The following KCNS3 variants were observed in gnomAD, a reference collection of about 807,000 sequenced individuals.
KCNS3 encodes the protein potassium voltage-gated channel modifier subfamily S member 3.
In KCNS3, 13 loss-of-function variants were observed where a neutral mutation model predicts 31.0. The ratio of observed to expected loss-of-function variants is 0.42; its 90% CI spans 0.27 to 0.67. The LOEUF is 0.67. Ranked by LOEUF, KCNS3 falls within the 30% of genes least tolerant of loss-of-function variation. KCNS3 has a pLI of 0.25. For synonymous variants in KCNS3, 238 were observed against 241.5 expected, an observed-to-expected ratio of 0.99 and a Z score of 0.13; for missense variants, 545 against 622.4, an observed-to-expected ratio of 0.88 and a Z score of 1.32.
intron 1 of KCNS3, among the ~76,000 whole-genome samples, chr2:17,907,457 A>G (rs912899125): frequency 1.3e-5 from 2 of 152,228 alleles, no homozygotes; most frequent in Non-Finnish European, 2.9e-5. Context: ...TAGCCCATTT[A>G]CATTTAAGGT....
intron 2 of KCNS3, among the ~76,000 whole-genome samples, chr2:17,921,094 A>G (rs1261104798): frequency 6.6e-6 from 1 of 152,196 alleles, no homozygotes; most frequent in African/African-American, 2.4e-5. Context: ...GTGCCTATGT[A>G]CTGCACCAGT....
At chr2:17,925,906 C>T (rs1269954838) in intron 2 of KCNS3, among the ~76,000 whole-genome samples, 1 of 152,196 alleles carries the variant, frequency 6.6e-6, no homozygotes, top group Non-Finnish European at 1.5e-5. Context: ...ATTCAAAAGT[C>T]CAAGTCCAAA....
At chr2:17,898,827 C>T (rs1032121635) in intron 1 of KCNS3, among the ~76,000 whole-genome samples, 1 of 152,138 alleles carries the variant, frequency 6.6e-6, no homozygotes, top group African/African-American at 2.4e-5. Flanking sequence ...CCAAGGTCTA[C>T]CTAGAGTGGG....
intron 1 of KCNS3, among the ~76,000 whole-genome samples, chr2:17,916,268 A>G (rs1264946726): frequency 6.6e-6 from 1 of 152,218 alleles, no homozygotes; most frequent in Non-Finnish European, 1.5e-5. Context: ...AAGGTGCAGC[A>G]GCAGTTCTGT....
intron 1 of KCNS3, among the ~76,000 whole-genome samples, chr2:17,894,137 T>C (rs1661930005): frequency 1.3e-5 from 2 of 152,072 alleles, no homozygotes; most frequent in African/African-American, 4.8e-5. Flanking sequence ...CCTTCATTTA[T>C]GTTATGTGAG....
At chr2:17,906,555 G>A (rs1215558919) in intron 1 of KCNS3, among the ~76,000 whole-genome samples, 3 of 152,098 alleles carry the variant, frequency 2.0e-5, no homozygotes, top group Admixed American at 6.5e-5. Context: ...GTGATGTTAG[G>A]TTGTCAGTTT....
chr2:17,926,544 A>G (rs778475934), intron 2 of KCNS3, among the ~76,000 whole-genome samples: 3 of 152,344 alleles, frequency 2.0e-5, no homozygotes, highest in South Asian at 2.1e-4. Context: ...GAGGTTCCCA[A>G]ACCTCAGTTC....
intron 2 of KCNS3, among the ~76,000 whole-genome samples, chr2:17,920,561 T>G (rs1037976418): frequency 6.6e-6 from 1 of 152,224 alleles, no homozygotes; most frequent in African/African-American, 2.4e-5. Context: ...GTTTCTTGGA[T>G]TTTTGACATA....
chr2:17,922,670 C>G (rs1476339285), intron 2 of KCNS3, among the ~76,000 whole-genome samples: 1 of 152,136 alleles, frequency 6.6e-6, no homozygotes, highest in Non-Finnish European at 1.5e-5. Flanking sequence ...TCCCCTCCCC[C>G]CAGCCCCCAG....
chr2:17,922,932 A>G (rs1017614259), intron 2 of KCNS3, among the ~76,000 whole-genome samples: 4 of 152,126 alleles, frequency 2.6e-5, no homozygotes, highest in African/African-American at 7.2e-5. Flanking sequence ...TTGTTTGAAC[A>G]TATGTTTTCA....
intron 1 of KCNS3, among the ~76,000 whole-genome samples, chr2:17,899,443 A>G (rs780157912): frequency 6.6e-6 from 1 of 152,088 alleles, no homozygotes; most frequent in African/African-American, 2.4e-5. Flanking sequence ...TCTATCATCT[A>G]TTTATCAACA....
At chr2:17,890,205 G>A (rs1661811806) in intron 1 of KCNS3, among the ~76,000 whole-genome samples, 1 of 152,066 alleles carries the variant, frequency 6.6e-6, no homozygotes, top group South Asian at 2.1e-4. Context: ...TCTAGTTTAT[G>A]TGAGTAAAGG....
At chr2:17,884,262 A>AT (rs1553340981) in intron 1 of KCNS3, among the ~76,000 whole-genome samples, 247 of 51,656 alleles carry the variant, frequency 4.8e-3, no homozygotes, top group African/African-American at 0.014. Context: ...TAATTAAAAA[A>AT]AAAAAAATAT....
chr2:17,906,355 T>G (rs1662313657), intron 1 of KCNS3, among the ~76,000 whole-genome samples: 1 of 152,214 alleles, frequency 6.6e-6, no homozygotes, highest in African/African-American at 2.4e-5. Flanking sequence ...CTCTCTTTTC[T>G]TCTTTATTAG....
intron 1 of KCNS3, among the ~76,000 whole-genome samples, chr2:17,892,919 A>G (rs1322603519): frequency 6.6e-6 from 1 of 152,212 alleles, no homozygotes; most frequent in African/African-American, 2.4e-5. Flanking sequence ...GCCGCCTGCC[A>G]GGAGGCGGCA....
At chr2:17,905,903 G>A (rs1044797742) in intron 1 of KCNS3, among the ~76,000 whole-genome samples, 1 of 152,206 alleles carries the variant, frequency 6.6e-6, no homozygotes, top group Non-Finnish European at 1.5e-5. Flanking sequence ...GTTCATCAAG[G>A]ATATTGGTCT....
chr2:17,912,007 C>G (rs1353944630), intron 1 of KCNS3, among the ~76,000 whole-genome samples: 1 of 152,186 alleles, frequency 6.6e-6, no homozygotes, highest in Non-Finnish European at 1.5e-5. Context: ...TTTATTATTT[C>G]AGCATTTTTA....
intron 2 of KCNS3, among the ~76,000 whole-genome samples, chr2:17,921,769 T>A (rs1662709392): frequency 6.6e-6 from 1 of 151,472 alleles, no homozygotes. Flanking sequence ...AGGGGAAGTC[T>A]GCCCCCATGA....
intron 1 of KCNS3, among the ~76,000 whole-genome samples, chr2:17,912,225 G>A (rs1299908664): frequency 6.6e-6 from 1 of 152,212 alleles, no homozygotes; most frequent in East Asian, 1.9e-4. Flanking sequence ...GATACACATT[G>A]CTATGATGTC....
Sources: gnomAD v4.1 joint callset for allele counts (sites outside exome capture counted in the v4.1 genomes callset) on GRCh38, gnomAD v4.1.1 for gene constraint, MANE v1.5 for transcripts, NCBI Gene and HGNC (gene_info 2026-07-23, HGNC 2026-07-21) for gene names.